Variants in AKAP6 observed in about 807,000 individuals in gnomAD.
The protein encoded by AKAP6 is A-kinase anchoring protein 6.
A neutral mutation model predicts 188.5 loss-of-function variants in AKAP6; 58 were observed. The ratio of observed to expected loss-of-function variants is 0.31; its 90% confidence interval spans 0.25 to 0.38. The LOEUF (loss-of-function observed/expected upper bound fraction) is 0.38. Ranked by LOEUF, AKAP6 falls within the 10% of genes least tolerant of loss-of-function variation. The pLI is 1.00. For synonymous variants in AKAP6, 989 were observed against 998.6 expected, an observed-to-expected ratio of 0.99 and a Z score of 0.18; for missense variants, 2,710 against 2,740.0, an observed-to-expected ratio of 0.99 and a Z score of 0.24.
intron 1 of AKAP6, among the ~76,000 whole-genome samples, chr14:32,404,429 T>C (rs889275530): frequency 1.3e-5 from 2 of 151,914 alleles, no homozygotes; most frequent in Non-Finnish European, 2.9e-5. Flanking sequence ...ATGAGTTGAC[T>C]GTCAAGCATT....
intron 12 of AKAP6, among the ~76,000 whole-genome samples, chr14:32,802,450 CA>C (rs1474816193): frequency 6.6e-6 from 1 of 152,108 alleles, no homozygotes; most frequent in Non-Finnish European, 1.5e-5. Flanking sequence ...ATATCCAATC[CA>C]AATAGTAGTG....
At chr14:32,361,513 A>G (rs1006050238) in intron 1 of AKAP6, among the ~76,000 whole-genome samples, 2 of 152,192 alleles carry the variant, frequency 1.3e-5, no homozygotes, top group African/African-American at 2.4e-5. Flanking sequence ...GTAGTGAATC[A>G]GGGGAACATT....
rs565270425 is a variant in AKAP6, at chr14:32,496,414, G to GTA, written c.325-39132_325-39131dup. 1.9e-3 allele frequency among the ~76,000 whole-genome samples: 294 copies of GTA among 152,116 alleles called. 3 individuals are homozygous for GTA. The highest frequency in any genetic ancestry group is 3.6e-3 in the Non-Finnish European group (247 of 68,012). Reference sequence around the variant, plus strand: ...CAGATGTACATGTATATGTACATGTGTATATATATGTATATTATATGATCA... The same window carrying GTA: ...CAGATGTACATGTATATGTACATGTGTATATATATATGTATATTATATGATCA... On this transcript the variant is annotated intron_variant, in intron 2 of 13. Transcript: ENST00000280979.
At chr14:32,343,912 C>T (rs767520412) in intron 1 of AKAP6, among the ~76,000 whole-genome samples, 6 of 151,966 alleles carry the variant, frequency 3.9e-5, no homozygotes, top group Non-Finnish European at 7.4e-5. Context: ...GTGGTCATAA[C>T]GTTCTCTGAA....
chr14:32,366,163 C>G (rs186284899), intron 1 of AKAP6, among the ~76,000 whole-genome samples: 3 of 152,302 alleles, frequency 2.0e-5, no homozygotes, highest in South Asian at 2.1e-4. Context: ...TGTTTGCACC[C>G]CCTCCATGAA....
chr14:32,596,734 A>G (rs1310640201), intron 5 of AKAP6, among the ~76,000 whole-genome samples: 1 of 152,204 alleles, frequency 6.6e-6, no homozygotes, highest in African/African-American at 2.4e-5. Context: ...ACCATAGGGC[A>G]TTGCTGAATA....
intron 3 of AKAP6, among the ~76,000 whole-genome samples, chr14:32,540,162 CTCTCTCTATATA>C (rs1197988617): frequency 6.7e-5 from 7 of 105,208 alleles, no homozygotes; most frequent in East Asian, 5.0e-4. Flanking sequence ...CTCTCTCTCT[CTCTCTCTATATA>C]TATATATATA....
At chr14:32,431,600 C>T (rs541465836) in intron 1 of AKAP6, among the ~76,000 whole-genome samples, 2 of 152,290 alleles carry the variant, frequency 1.3e-5, no homozygotes, top group South Asian at 4.1e-4. Context: ...GCAACCTCCC[C>T]CTCCCGGGTT....
At chr14:32,396,809 T>C (rs377267620) in intron 1 of AKAP6, among the ~76,000 whole-genome samples, 49 of 152,070 alleles carry the variant, frequency 3.2e-4, no homozygotes, top group African/African-American at 1.2e-3. Context: ...GTAGATTAGG[T>C]CAACCATAGA....
chr14:32,609,527 G>T (rs1161659529), intron 7 of AKAP6, among the ~76,000 whole-genome samples: 1 of 152,118 alleles, frequency 6.6e-6, no homozygotes, highest in Non-Finnish European at 1.5e-5. Context: ...CATTGGACTG[G>T]GGCAGTGGCT....
At chr14:32,800,061 CTA>C (rs1555363776) in intron 12 of AKAP6, among the ~76,000 whole-genome samples, 20 of 136,932 alleles carry the variant, frequency 1.5e-4, no homozygotes, top group Admixed American at 3.8e-4. Flanking sequence ...CTCTCTCTCT[CTA>C]TATATATAGA....
chr14:32,354,295 CAA>C (rs796950806), intron 1 of AKAP6, among the ~76,000 whole-genome samples: 15 of 136,044 alleles, frequency 1.1e-4, no homozygotes, highest in Admixed American at 7.5e-5. Context: ...AGCCCTGTCT[CAA>C]AAAAAAAAAA....
intron 1 of AKAP6, among the ~76,000 whole-genome samples, chr14:32,428,758 C>G (rs1271877838): frequency 6.6e-6 from 1 of 152,154 alleles, no homozygotes; most frequent in Non-Finnish European, 1.5e-5. Context: ...CTGCTAGCGT[C>G]AAGCTCCAAC....
intron 4 of AKAP6, among the ~76,000 whole-genome samples, chr14:32,574,018 G>C (rs1008784818): frequency 1.3e-5 from 2 of 152,090 alleles, no homozygotes; most frequent in Non-Finnish European, 2.9e-5. Flanking sequence ...ATGTGATAAA[G>C]GTATCATGAA....
chr14:32,702,745 G>A (rs1439208864), intron 9 of AKAP6, among the ~76,000 whole-genome samples: 1 of 152,122 alleles, frequency 6.6e-6, no homozygotes, highest in Non-Finnish European at 1.5e-5. Flanking sequence ...GGCCTGGCTG[G>A]CTCTGGCCTA....
intron 2 of AKAP6, among the ~76,000 whole-genome samples, chr14:32,521,874 T>A (rs1004802491): frequency 6.6e-6 from 1 of 152,208 alleles, no homozygotes; most frequent in African/African-American, 2.4e-5. Context: ...AGAGCCTGTA[T>A]TGCCAAGACA....
intron 2 of AKAP6, among the ~76,000 whole-genome samples, chr14:32,521,752 G>A (rs1247228459): frequency 2.6e-5 from 4 of 152,082 alleles, no homozygotes; most frequent in Admixed American, 2.0e-4. Flanking sequence ...CCTGAAAATG[G>A]CCATACTGCC....
chr14:32,620,709 C>T (rs1267855933), intron 7 of AKAP6, among the ~76,000 whole-genome samples: 9 of 151,956 alleles, frequency 5.9e-5, no homozygotes, highest in Admixed American at 5.9e-4. Flanking sequence ...CCTTCTTTCT[C>T]AATCTTTTAG....
chr14:32,329,924 C>A (rs898188654), intron 1 of AKAP6, among the ~76,000 whole-genome samples: 8 of 152,060 alleles, frequency 5.3e-5, no homozygotes, highest in Non-Finnish European at 1.0e-4. Context: ...GAAAGGGGAT[C>A]TCTTGCATAT....
Sources: gnomAD v4.1 joint callset for allele counts (sites outside exome capture counted in the v4.1 genomes callset) on GRCh38, gnomAD v4.1.1 for gene constraint, MANE v1.5 for transcripts, NCBI Gene and HGNC (gene_info 2026-07-23, HGNC 2026-07-21) for gene names.